PCDHA9: variants seen among roughly 807,000 people sequenced by gnomAD.
PCDHA9 encodes protocadherin alpha 9, also known as protocadherin alpha-9.
In PCDHA9, 62 loss-of-function variants were observed where a neutral mutation model predicts 62.0. That is an observed-to-expected ratio of 1.00 (90% confidence interval 0.81 to 1.23). The LOEUF (loss-of-function observed/expected upper bound fraction) is 1.23, where lower values mean the gene tolerates loss of function less well. Ranked by LOEUF, PCDHA9 falls within the 50% of genes most tolerant of loss-of-function variation. The pLI is 0.00. For synonymous variants in PCDHA9, 557 were observed against 567.6 expected, an observed-to-expected ratio of 0.98 and a Z score of 0.27; for missense variants, 1,205 against 1,249.8, an observed-to-expected ratio of 0.96 and a Z score of 0.54.
At chr5:140,964,473 T>G (rs1457345251) in intron 1 of PCDHA9, among the ~76,000 whole-genome samples, 13 of 152,068 alleles carry the variant, frequency 8.5e-5, no homozygotes, top group African/African-American at 3.1e-4. Flanking sequence ...TGCCTATGAT[T>G]TTTTCACAGT....
intron 1 of PCDHA9, among the ~76,000 whole-genome samples, chr5:140,907,506 A>G (rs1418997042): frequency 2.6e-5 from 4 of 152,234 alleles, no homozygotes; most frequent in Non-Finnish European, 5.9e-5. Flanking sequence ...GTAAGTGTCT[A>G]TTCCAGTGAG....
Position 140,850,545 on chromosome 5 carries a change from G to C in PCDHA9, c.2050G>C (p.Val684Leu). 6.3e-7 allele frequency: 1 copy of C among 1,598,382 alleles called. No individual in the cohort carries two copies. Among genetic ancestry groups the C allele is most frequent in the South Asian group, 1.1e-5 (1 of 90,548 alleles). Reference sequence around the variant, plus strand: ...GCCAAAGTCATCGTCGCGGGCGTCAGTGGGTGCCACGGGCCCCGAGGTGAC... The same window carrying C: ...GCCAAAGTCATCGTCGCGGGCGTCACTGGGTGCCACGGGCCCCGAGGTGAC... ...QAPKSSSRASVGATGPEVTLV... is the reference protein window; with the variant it reads ...QAPKSSSRASLGATGPEVTLV... Residue 684 changes from valine (V) to leucine (L), a missense_variant, in exon 1 of 4, where the codon GTG becomes CTG. By Grantham distance (32) the Val-to-Leu change is conservative (BLOSUM62 1). Coordinates refer to ENST00000532602, the MANE Select transcript of PCDHA9 (RefSeq NM_031857.2).
At position 140,897,120 on chromosome 5, in the gene PCDHA9, C is replaced by T. The variant is rs116233032; in HGVS notation, c.2394+46231C>T. Among the ~76,000 whole-genome samples, 1,215 of 152,248 alleles carry T rather than the reference C, an allele frequency of 8.0e-3. 5 individuals are homozygous for T. The highest frequency in any genetic ancestry group is 0.019 in the African/African-American group (784 of 41,540). On this transcript the variant is annotated intron_variant, in intron 1 of 3. Coordinates refer to ENST00000532602, the MANE Select transcript of PCDHA9 (RefSeq NM_031857.2). ...TAAAAATCTCCACTTTCTGTCCACA[C>T]CCCACTAAACTTTCTAGCCTTTGTT... is the stretch of plus-strand genomic sequence containing the variant.
intron 1 of PCDHA9, chr5:140,883,972 C>G (rs781784485): frequency 3.1e-6 from 5 of 1,612,854 alleles, no homozygotes; most frequent in Non-Finnish European, 4.2e-6. Context: ...TGCTGACGCC[C>G]GGGGCTGGCA....
chr5:141,003,796 G>A (rs2098138988), intron 3 of PCDHA9, among the ~76,000 whole-genome samples: 1 of 152,168 alleles, frequency 6.6e-6, no homozygotes, highest in Non-Finnish European at 1.5e-5. Context: ...ATCCTATTGG[G>A]TTGTAATCTG....
intron 1 of PCDHA9, among the ~76,000 whole-genome samples, chr5:140,962,590 C>T (rs2095694493): frequency 6.6e-6 from 1 of 152,144 alleles, no homozygotes; most frequent in African/African-American, 2.4e-5. Context: ...AAATATTTGA[C>T]TGATATATTT....
At chr5:140,898,497 T>G (rs1473036595) in intron 1 of PCDHA9, among the ~76,000 whole-genome samples, 2 of 152,216 alleles carry the variant, frequency 1.3e-5, no homozygotes, top group African/African-American at 4.8e-5. Flanking sequence ...ATCAGATAGT[T>G]GTAGATATGC....
At chr5:140,928,790 GGGT>G in intron 1 of PCDHA9, 1 of 1,614,176 alleles carries the variant, frequency 6.2e-7, no homozygotes. Flanking sequence ...GTTAAGCAGA[GGGT>G]GGTGGTAGTG....
chr5:140,882,197 G>T, intron 1 of PCDHA9: 2 of 1,521,690 alleles, frequency 1.3e-6, no homozygotes, highest in Non-Finnish European at 1.8e-6. Flanking sequence ...CATAAAAATT[G>T]GGCCTTGAGA....
rs192376340 is a variant in PCDHA9 at position 140,857,538 on chromosome 5, G to A, written c.2394+6649G>A. The A allele has an allele frequency of 8.8e-6, 14 of 1,597,348 alleles. No individual in the cohort carries two copies. In the East Asian group the frequency reaches 3.1e-4, roughly 36 times the overall value. On this transcript the variant is annotated intron_variant, in intron 1 of 3. Transcript: ENST00000532602. ...GTGTCCTACTCTCTGGTGGAGCGGC[G>A]GTTGGGCGAGCGCTCGCTGTCGAGC... is the stretch of plus-strand genomic sequence containing the variant.
intron 1 of PCDHA9, chr5:140,869,088 G>A (rs1581866971): frequency 6.3e-7 from 1 of 1,587,910 alleles, no homozygotes; most frequent in Non-Finnish European, 8.6e-7. Context: ...TATTTTGGAA[G>A]CCAATTTCGT....
chr5:140,918,895 A>G (rs1319042193), intron 1 of PCDHA9, among the ~76,000 whole-genome samples: 2 of 152,206 alleles, frequency 1.3e-5, no homozygotes, highest in East Asian at 3.9e-4. Flanking sequence ...TGAAAAATAA[A>G]TCTCTCTTGT....
chr5:141,009,770 A>T lies in PCDHA9; in HGVS notation c.2686A>T (p.Ile896Phe). The part of the protein sequence containing the change: ...DKFIIPGSPA[I>F]ISIRQEPTNS... The stretch of plus-strand genomic sequence containing the variant: ...ATTCATTATCCCAGGATCTCCTGCA[A>T]TCATCTCCATCCGGCAGGAGCCTAC... The change falls in exon 4 of 4, where the codon ATC becomes TTC. Residue 896 changes from isoleucine to phenylalanine, a missense_variant. Transcript: ENST00000532602. 6.2e-7 allele frequency: 1 copy of T among 1,614,160 alleles called. No homozygotes were observed. The highest frequency in any genetic ancestry group is 8.5e-7 in the Non-Finnish European group (1 of 1,180,028).
At chr5:140,917,015 G>A (rs538557329) in intron 1 of PCDHA9, among the ~76,000 whole-genome samples, 1 of 152,240 alleles carries the variant, frequency 6.6e-6, no homozygotes, top group East Asian at 1.9e-4. Flanking sequence ...CTCCCTTCAT[G>A]TGCAGCTGCT....
intron 1 of PCDHA9, among the ~76,000 whole-genome samples, chr5:140,970,213 A>AAAT (rs1198069658): frequency 6.6e-5 from 10 of 152,242 alleles, no homozygotes; most frequent in Admixed American, 2.0e-4. Context: ...AATTTAGCTT[A>AAAT]AATGCAGCCT....
At chr5:141,007,149 T>G (rs980574316) in intron 3 of PCDHA9, among the ~76,000 whole-genome samples, 12 of 152,084 alleles carry the variant, frequency 7.9e-5, no homozygotes, top group African/African-American at 2.9e-4. Context: ...CAAAGGAAAC[T>G]GTCAAAGAAC....
intron 1 of PCDHA9, among the ~76,000 whole-genome samples, chr5:140,920,592 T>C (rs1226483981): frequency 6.6e-6 from 1 of 152,158 alleles, no homozygotes; most frequent in Non-Finnish European, 1.5e-5. Flanking sequence ...ACGCCTGTAA[T>C]CCCAGCACTT....
Position 140,908,264 on chromosome 5 carries a change from C to T in PCDHA9, c.2394+57375C>T, listed in dbSNP as rs184452768. Among the ~76,000 whole-genome samples the T allele has an allele frequency of 2.1e-4, 32 of 152,244 alleles. 1 individual carries two copies. Among genetic ancestry groups the T allele is most frequent in the African/African-American group, 6.3e-4 (26 of 41,538 alleles). Reference sequence around the variant, plus strand: ...CCTCATCAACTGATCATAGGGAACTCCCCATGAGGCCATTGTTGCAAGCTG... The same window carrying T: ...CCTCATCAACTGATCATAGGGAACTTCCCATGAGGCCATTGTTGCAAGCTG... On this transcript the variant is annotated intron_variant, in intron 1 of 3. Coordinates refer to ENST00000532602, the MANE Select transcript of PCDHA9 (RefSeq NM_031857.2).
In PCDHA9 at chr5:140,879,837, T is replaced by C. The variant is rs150709679; in HGVS notation, c.2394+28948T>C. ...GTTGGTGTTCCCTGGCTTGTGGCTGTACCACTCCCATCTCAGCCTTCTCAG... is the reference window on the plus strand; with the variant it reads ...GTTGGTGTTCCCTGGCTTGTGGCTGCACCACTCCCATCTCAGCCTTCTCAG... On this transcript the variant is annotated intron_variant, in intron 1 of 3. Coordinates refer to ENST00000532602, the MANE Select transcript of PCDHA9 (RefSeq NM_031857.2). Among the ~76,000 whole-genome samples, 861 of 152,350 alleles carry C rather than the reference T, an allele frequency of 5.7e-3. 5 individuals are homozygous for C. The highest frequency in any genetic ancestry group is 0.014 in the Middle Eastern group (4 of 294).
Sources: allele counts gnomAD v4.1 joint callset (sites outside exome capture counted in the v4.1 genomes callset), GRCh38; gene constraint gnomAD v4.1.1; transcripts MANE v1.5; gene names NCBI Gene and HGNC (gene_info 2026-07-23, HGNC 2026-07-21).